IGF2BP3: variants seen among roughly 807,000 people sequenced by gnomAD.
The protein encoded by IGF2BP3 is insulin-like growth factor 2 mRNA-binding protein 3.
In IGF2BP3, 9 loss-of-function variants were observed where a neutral mutation model predicts 73.8. That is an observed-to-expected ratio of 0.12 (90% CI 0.07 to 0.21). IGF2BP3 has a LOEUF of 0.21. IGF2BP3 is among the 10% of genes least tolerant of loss of function. IGF2BP3 has a pLI of 1.00. For synonymous variants in IGF2BP3, 258 were observed against 256.7 expected (o/e 1.01, Z -0.05); for missense variants, 542 against 714.0 (o/e 0.76, Z 2.75).
chr7:23,324,173 G>C (rs1252180432), intron 10 of IGF2BP3, among the ~76,000 whole-genome samples: 1 of 151,890 alleles, frequency 6.6e-6, no homozygotes, highest in Non-Finnish European at 1.5e-5. Context: ...TAGACTGCTA[G>C]CAAGACTAAT....
chr7:23,352,400 T>A (rs777998207), intron 5 of IGF2BP3, among the ~76,000 whole-genome samples: 17 of 150,862 alleles, frequency 1.1e-4, no homozygotes, highest in Non-Finnish European at 1.9e-4. Context: ...GAGATTCTTG[T>A]GCCTCAGCCT....
rs139197479 is a variant in IGF2BP3, at chr7:23,463,932, T to C, written c.236+4550A>G. The stretch of plus-strand genomic sequence containing the variant: ...TGAAAGATAACCTAGTTTATAATTA[T>C]TTAACCAGCCAAGAAAGTTTCCTAA... On this transcript the variant is annotated intron_variant, in intron 2 of 14. Coordinates refer to ENST00000258729, the MANE Select transcript of IGF2BP3 (RefSeq NM_006547.3). 2.3e-3 allele frequency among the ~76,000 whole-genome samples: 356 copies of C among 152,356 alleles called. 1 individual carries two copies. The highest frequency in any genetic ancestry group is 8.2e-3 in the African/African-American group (343 of 41,586).
intron 3 of IGF2BP3, among the ~76,000 whole-genome samples, chr7:23,391,213 C>G (rs1786266546): frequency 6.6e-6 from 1 of 151,508 alleles, no homozygotes; most frequent in Non-Finnish European, 1.5e-5. Flanking sequence ...GATTCTTGTG[C>G]CTCAGCCTCC....
chr7:23,336,839 T>C (rs1408994125), intron 10 of IGF2BP3, among the ~76,000 whole-genome samples: 1 of 151,966 alleles, frequency 6.6e-6, no homozygotes. Flanking sequence ...TCCCAGCTAC[T>C]CGGGAGGCTG....
At chr7:23,334,689 C>A (rs1181504709) in intron 10 of IGF2BP3, among the ~76,000 whole-genome samples, 1 of 152,252 alleles carries the variant, frequency 6.6e-6, no homozygotes, top group East Asian at 1.9e-4. Flanking sequence ...TTCCTTTGGA[C>A]TTCTTGGCAG....
chr7:23,346,884 C>T (rs1784842348), intron 7 of IGF2BP3, among the ~76,000 whole-genome samples: 1 of 152,148 alleles, frequency 6.6e-6, no homozygotes, highest in South Asian at 2.1e-4. Flanking sequence ...AGTCGCCACA[C>T]CAGGCCTATT....
At chr7:23,430,735 A>C (rs747754799) in intron 2 of IGF2BP3, among the ~76,000 whole-genome samples, 2 of 152,234 alleles carry the variant, frequency 1.3e-5, no homozygotes, top group Non-Finnish European at 1.5e-5. Flanking sequence ...CCTGGTCTAT[A>C]TGTCAACTGG....
chr7:23,377,591 A>G (rs1304713469), intron 3 of IGF2BP3, among the ~76,000 whole-genome samples: 1 of 152,244 alleles, frequency 6.6e-6, no homozygotes, highest in Non-Finnish European at 1.5e-5. Context: ...AAGTTACCAT[A>G]TGATCTAGCA....
chr7:23,391,778 A>G (rs1786285449), intron 3 of IGF2BP3, among the ~76,000 whole-genome samples: 1 of 152,218 alleles, frequency 6.6e-6, no homozygotes. Context: ...TACACACCCT[A>G]GTTGAATAAT....
intron 3 of IGF2BP3, among the ~76,000 whole-genome samples, chr7:23,403,070 G>T (rs1258944548): frequency 1.3e-5 from 2 of 152,184 alleles, no homozygotes; most frequent in Non-Finnish European, 2.9e-5. Context: ...TTGATATTCA[G>T]ATACAGGGGA....
Position 23,421,468 on chromosome 7 carries a change from G to A in IGF2BP3, c.237-2644C>T, listed in dbSNP as rs185505229. On this transcript the variant is annotated intron_variant, in intron 2 of 14. Transcript: ENST00000258729. ...GGCACTTTGGGAGGCTGAGGTGGGC[G>A]GATCACCTGAGGTCAGAAGTTCGAG... Among the ~76,000 whole-genome samples, 69 of 151,862 alleles carry A rather than the reference G, an allele frequency of 4.5e-4. No homozygotes were observed. The East Asian group carries it at 0.012, about 27-fold the overall frequency.
chr7:23,387,855 A>G (rs1398004331), intron 3 of IGF2BP3, among the ~76,000 whole-genome samples: 1 of 152,232 alleles, frequency 6.6e-6, no homozygotes, highest in Non-Finnish European at 1.5e-5. Flanking sequence ...AATGGCTAAT[A>G]TTAAACCACC....
rs558332437 is a variant in IGF2BP3 at position 23,317,427 on chromosome 7, C to G, written c.1395+212G>C. Among the ~76,000 whole-genome samples the G allele has an allele frequency of 2.4e-4, 37 of 152,304 alleles. 1 individual carries two copies. The highest frequency in any genetic ancestry group is 8.7e-4 in the African/African-American group (36 of 41,568). ...TTAAGCAAAATTAACCTTTGAGAGA[C>G]AGGTAAATCCAGCAACCAGTACAGA... On this transcript the variant is annotated intron_variant, in intron 12 of 14. Transcript: ENST00000258729.
intron 5 of IGF2BP3, among the ~76,000 whole-genome samples, chr7:23,359,348 T>C (rs1364736077): frequency 1.3e-5 from 2 of 152,230 alleles, no homozygotes; most frequent in Non-Finnish European, 2.9e-5. Flanking sequence ...CAAATCTACA[T>C]AGCTTATGTC....
At chr7:23,405,614 T>C (rs1472043457) in intron 3 of IGF2BP3, among the ~76,000 whole-genome samples, 1 of 152,146 alleles carries the variant, frequency 6.6e-6, no homozygotes, top group East Asian at 1.9e-4. Flanking sequence ...AGATCAGCAA[T>C]GGCAGCGTTA....
intron 3 of IGF2BP3, among the ~76,000 whole-genome samples, chr7:23,379,853 C>G (rs2128516307): frequency 6.6e-6 from 1 of 152,258 alleles, no homozygotes; most frequent in Non-Finnish European, 1.5e-5. Flanking sequence ...TTGGTCCCTA[C>G]AAAATATACA....
chr7:23,409,709 G>A (rs879253276), intron 3 of IGF2BP3, among the ~76,000 whole-genome samples: 1 of 152,186 alleles, frequency 6.6e-6, no homozygotes, highest in Non-Finnish European at 1.5e-5. Context: ...CACAGCCTGT[G>A]AAGCATACAT....
chr7:23,347,374 T>A (rs1264455191), intron 7 of IGF2BP3, among the ~76,000 whole-genome samples: 2 of 152,154 alleles, frequency 1.3e-5, no homozygotes, highest in Non-Finnish European at 1.5e-5. Flanking sequence ...ATAGCTGCAT[T>A]TCTCTTCCCC....
In IGF2BP3 at chr7:23,421,922, C is replaced by G. The variant is rs373775189; in HGVS notation, c.237-3098G>C. On this transcript the variant is annotated intron_variant, in intron 2 of 14. Coordinates refer to ENST00000258729, the MANE Select transcript of IGF2BP3 (RefSeq NM_006547.3). ...GCCTCTTCCTCCGGAGTAGCTGGGA[C>G]TACAGATGCATGCCACCACATCCAG... 4.6e-5 allele frequency among the ~76,000 whole-genome samples: 7 copies of G among 151,914 alleles called. No homozygotes were observed. The South Asian group carries it at 1.5e-3, about 31-fold the overall frequency.
Sources: allele counts gnomAD v4.1 joint callset (sites outside exome capture counted in the v4.1 genomes callset), GRCh38; gene constraint gnomAD v4.1.1; transcripts MANE v1.5; gene names NCBI Gene and HGNC (gene_info 2026-07-23, HGNC 2026-07-21).